The following XYLB variants were observed in gnomAD, a reference collection of about 807,000 sequenced individuals.
XYLB encodes the protein xylulokinase.
A neutral mutation model predicts 78.7 loss-of-function variants in XYLB; 62 were observed. The ratio of observed to expected loss-of-function variants is 0.79; its 90% CI spans 0.64 to 0.97. The LOEUF (loss-of-function observed/expected upper bound fraction) is 0.97. XYLB is among the 50% of genes least tolerant of loss of function. The pLI is 0.00. For missense variants in XYLB, 687 were observed against 676.8 expected, an observed-to-expected ratio of 1.02 and a Z score of -0.17; for synonymous variants, 245 against 247.4, an observed-to-expected ratio of 0.99 and a Z score of 0.09.
At chr3:38,432,949 A>T in the XYLB span, among the ~76,000 whole-genome samples, 1 of 152,182 alleles carries the variant, frequency 6.6e-6, no homozygotes. Context: ...CAGCTCCAGT[A>T]GACAGTGCCC....
chr3:38,377,898 T>C (rs1263165905), intron 14 of XYLB, among the ~76,000 whole-genome samples: 1 of 152,186 alleles, frequency 6.6e-6, no homozygotes, highest in Non-Finnish European at 1.5e-5. Context: ...AGCTGCTGTT[T>C]TCTTTCTCCT....
intron 2 of XYLB, among the ~76,000 whole-genome samples, chr3:38,359,534 G>A (rs1042713620): frequency 1.3e-5 from 2 of 152,214 alleles, no homozygotes; most frequent in Non-Finnish European, 2.9e-5. Flanking sequence ...CTTCTAGTCT[G>A]TTCCTATATA....
chr3:38,356,689 T>C (rs1705678248), intron 2 of XYLB: 1 of 152,254 alleles, frequency 6.6e-6, no homozygotes, highest in South Asian at 2.1e-4. Flanking sequence ...AGTACTTCAT[T>C]CCTTTTTGTG....
chr3:38,423,814 G>A (rs539370176), downstream of XYLB, among the ~76,000 whole-genome samples: 2 of 152,120 alleles, frequency 1.3e-5, no homozygotes, highest in Non-Finnish European at 2.9e-5. Context: ...TGCAAAACTC[G>A]ATTTCTCATG....
chr3:38,415,209 A>G (rs1445636378), downstream of XYLB, among the ~76,000 whole-genome samples: 1 of 152,226 alleles, frequency 6.6e-6, no homozygotes, highest in Non-Finnish European at 1.5e-5. Context: ...TTTTCAAGAA[A>G]CTCAAAGTAT....
In XYLB at chr3:38,366,878, G is replaced by A; in HGVS notation, c.573+5G>A. On this transcript the variant is annotated splice_donor_5th_base_variant and intron_variant, in intron 7 of 18. Coordinates refer to ENST00000207870, the MANE Select transcript of XYLB (RefSeq NM_005108.4). ...GAGGCCTACTCACATACGGAGGTTGGTTAAATGTTCCTGTTTGATTGAAAG... is the reference window on the plus strand; with the variant it reads ...GAGGCCTACTCACATACGGAGGTTGATTAAATGTTCCTGTTTGATTGAAAG... 6.3e-7 allele frequency: 1 copy of A among 1,599,502 alleles called. No homozygotes were observed. Among genetic ancestry groups the A allele is most frequent in the South Asian group, 1.1e-5 (1 of 90,168 alleles).
At chr3:38,365,784 C>G (rs1029102408) in intron 6 of XYLB, 48 bp downstream of exon 6, 1 of 1,562,666 alleles carries the variant, frequency 6.4e-7, no homozygotes, top group African/African-American at 1.4e-5. Flanking sequence ...GTTGCAAGCT[C>G]CGGAGGCATA....
Position 38,357,544 on chromosome 3 carries a change from G to A in XYLB, c.141-2795G>A, listed in dbSNP as rs150223266. Among the ~76,000 whole-genome samples the A allele has an allele frequency of 9.9e-4, 150 of 152,096 alleles. 1 individual carries two copies. In the East Asian group the frequency reaches 0.017, roughly 17 times the overall value. ...TGGAACTACAGGCACCCGCCACCAC[G>A]CCTGGCTAATTTTTTGTATTTTTAG... On this transcript the variant is annotated intron_variant, in intron 2 of 18. Coordinates refer to ENST00000207870, the MANE Select transcript of XYLB (RefSeq NM_005108.4).
intron 17 of XYLB, among the ~76,000 whole-genome samples, chr3:38,399,601 C>G (rs1708039759): frequency 6.6e-6 from 1 of 152,236 alleles, no homozygotes; most frequent in South Asian, 2.1e-4. Context: ...CCATAATCTT[C>G]TGGCCTTCAG....
chr3:38,363,297 C>A (rs1706075878), intron 4 of XYLB, among the ~76,000 whole-genome samples: 2 of 152,166 alleles, frequency 1.3e-5, no homozygotes, highest in Non-Finnish European at 2.9e-5. Flanking sequence ...ATGGAGGAAG[C>A]AATTGACATG....
rs535126088 is a variant in XYLB, at chr3:38,353,517, C to T, written c.140+4885C>T. On this transcript the variant is annotated intron_variant, in intron 2 of 18. Transcript: ENST00000207870. ...GTAGAGATGGGGTCTCACTCTGTTG[C>T]CCAGGCTGGTCTCGAACTCCTGGGC... 6.6e-5 allele frequency among the ~76,000 whole-genome samples: 10 copies of T among 151,938 alleles called. No individual in the cohort carries two copies. In the South Asian group the frequency reaches 2.1e-3, roughly 32 times the overall value.
intron 4 of XYLB, among the ~76,000 whole-genome samples, chr3:38,363,800 G>T (rs963661958): frequency 3.9e-5 from 6 of 152,200 alleles, no homozygotes; most frequent in African/African-American, 1.4e-4. Context: ...ATCACACAGT[G>T]CTGGGAGTGG....
chr3:38,398,062 C>T (rs925932632), intron 17 of XYLB, among the ~76,000 whole-genome samples: 9 of 151,700 alleles, frequency 5.9e-5, no homozygotes, highest in Admixed American at 3.3e-4. Flanking sequence ...TTGTGATCTG[C>T]CCACCTTGGC....
At chr3:38,428,242 A>T in the XYLB span, among the ~76,000 whole-genome samples, 10 of 152,204 alleles carry the variant, frequency 6.6e-5, no homozygotes, top group Non-Finnish European at 1.2e-4. Context: ...TTGGCCCAGC[A>T]TATAGTTTAA....
At chr3:38,368,557 G>T (rs146215370) in intron 8 of XYLB, among the ~76,000 whole-genome samples, 1 of 152,182 alleles carries the variant, frequency 6.6e-6, no homozygotes, top group Non-Finnish European at 1.5e-5. Context: ...GCTGGCAGCC[G>T]GGGCTGCAGT....
the XYLB span, among the ~76,000 whole-genome samples, chr3:38,450,690 T>C: frequency 6.6e-6 from 1 of 152,182 alleles, no homozygotes; most frequent in East Asian, 1.9e-4. Flanking sequence ...TTATCACCTT[T>C]CTCAACCAGC....
intron 15 of XYLB, among the ~76,000 whole-genome samples, chr3:38,389,090 GGCCTTCC>G (rs1707529079): frequency 6.8e-6 from 1 of 147,142 alleles, no homozygotes; most frequent in Non-Finnish European, 1.5e-5. Flanking sequence ...AGGACCCTGC[GGCCTTCC>G]GCAGTGTTTG....
chr3:38,442,424 C>T, the XYLB span, among the ~76,000 whole-genome samples: 1 of 152,112 alleles, frequency 6.6e-6, no homozygotes. Context: ...GAGGGCTATC[C>T]CTAAACCCTT....
At chr3:38,381,868 A>G (rs1263283826) in intron 15 of XYLB, among the ~76,000 whole-genome samples, 3 of 152,310 alleles carry the variant, frequency 2.0e-5, no homozygotes, top group Admixed American at 6.5e-5. Context: ...TGGTCCTGTG[A>G]TCTCACCCTG....
Sources: gnomAD v4.1 joint callset for allele counts (sites outside exome capture counted in the v4.1 genomes callset) on GRCh38, gnomAD v4.1.1 for gene constraint, MANE v1.5 for transcripts, NCBI Gene and HGNC (gene_info 2026-07-23, HGNC 2026-07-21) for gene names.